Variants in CCSER1 observed in about 807,000 individuals in gnomAD.
The protein encoded by CCSER1 is coiled-coil serine rich protein 1.
CCSER1 carries 41 observed loss-of-function variants against 82.0 expected under a neutral mutation model. The ratio of observed to expected loss-of-function variants is 0.50; its 90% CI spans 0.39 to 0.65. CCSER1 has a LOEUF of 0.65. Among genes scored for constraint, CCSER1 ranks in the 30% least tolerant of loss-of-function variants. CCSER1 has a pLI of 0.00. For missense variants in CCSER1, 1,119 were observed against 1,064.2 expected (o/e 1.05, Z -0.72); for synonymous variants, 414 against 383.9 (o/e 1.08, Z -0.92).
In CCSER1 at chr4:91,028,677, C is replaced by A. The variant is rs11940638; in HGVS notation, c.2173-57273C>A. ...AAGTAATCTACTTGTTTCTTTAGAG[C>A]TTGTTAACAGTTCCTTGATTATTCA... On this transcript the variant is annotated intron_variant, in intron 9 of 10. Transcript: ENST00000509176. Among the ~76,000 whole-genome samples, 1,076 of 151,254 alleles carry A rather than the reference C, an allele frequency of 7.1e-3. 11 individuals are homozygous for A. Among genetic ancestry groups the A allele is most frequent in the African/African-American group, 0.025 (1,017 of 41,316 alleles).
chr4:90,844,860 G>C (rs951711666), intron 8 of CCSER1, among the ~76,000 whole-genome samples: 3 of 152,134 alleles, frequency 2.0e-5, no homozygotes, highest in African/African-American at 7.2e-5. Flanking sequence ...TTAGCAAAGA[G>C]CCAGACAGTA....
intron 5 of CCSER1, among the ~76,000 whole-genome samples, chr4:90,504,087 G>A (rs1770337596): frequency 6.6e-6 from 1 of 151,142 alleles, no homozygotes; most frequent in Non-Finnish European, 1.5e-5. Flanking sequence ...ACTTATTTCT[G>A]ATTTCTTCTT....
intron 3 of CCSER1, among the ~76,000 whole-genome samples, chr4:90,331,975 C>T (rs901470428): frequency 6.6e-6 from 1 of 151,996 alleles, no homozygotes; most frequent in Non-Finnish European, 1.5e-5. Flanking sequence ...TTTTTCCCCT[C>T]TGTCCCCTTT....
chr4:91,306,881 G>C (rs1745105507), intron 10 of CCSER1, among the ~76,000 whole-genome samples: 1 of 151,636 alleles, frequency 6.6e-6, no homozygotes, highest in Non-Finnish European at 1.5e-5. Flanking sequence ...TTTTTTTTCT[G>C]CTGCACTCTG....
At chr4:90,600,507 T>C (rs947405401) in intron 5 of CCSER1, among the ~76,000 whole-genome samples, 2 of 152,120 alleles carry the variant, frequency 1.3e-5, no homozygotes, top group South Asian at 2.1e-4. Flanking sequence ...TTTTCCTATT[T>C]GAAAAATATG....
chr4:90,208,636 G>T (rs1739383357), intron 1 of CCSER1, among the ~76,000 whole-genome samples: 1 of 152,090 alleles, frequency 6.6e-6, no homozygotes, highest in Admixed American at 6.5e-5. Context: ...TGGTGATGTA[G>T]GCACCTGAAA....
intron 8 of CCSER1, among the ~76,000 whole-genome samples, chr4:90,855,055 G>A (rs1294367220): frequency 6.6e-6 from 1 of 152,020 alleles, no homozygotes; most frequent in African/African-American, 2.4e-5. Flanking sequence ...CAGATCTCGT[G>A]AGAACTCACT....
At chr4:91,218,118 G>T (rs7696348) in intron 10 of CCSER1, among the ~76,000 whole-genome samples, 1 of 152,206 alleles carries the variant, frequency 6.6e-6, no homozygotes, top group Non-Finnish European at 1.5e-5. Flanking sequence ...CTGCCCCGTG[G>T]GAAGGCAGCT....
chr4:91,292,778 AAGTC>A (rs991040920), intron 10 of CCSER1, among the ~76,000 whole-genome samples: 40 of 152,108 alleles, frequency 2.6e-4, no homozygotes, highest in African/African-American at 9.4e-4. Flanking sequence ...AATTTTAAAA[AAGTC>A]AGGAGGTGAA....
In CCSER1 at chr4:91,484,740, C is replaced by T. The variant is rs147605791; in HGVS notation, c.2218-113832C>T. ...CCCAAAACAGTAGCATTAGCATCAC[C>T]TACAAATCTATTAAAAATAAAAATT... On this transcript the variant is annotated intron_variant, in intron 10 of 10. Transcript: ENST00000509176. 2.2e-3 allele frequency among the ~76,000 whole-genome samples: 338 copies of T among 152,172 alleles called. 1 individual carries two copies. Among genetic ancestry groups the T allele is most frequent in the African/African-American group, 7.8e-3 (322 of 41,528 alleles).
At chr4:90,282,445 T>C (rs1729040680) in intron 1 of CCSER1, among the ~76,000 whole-genome samples, 1 of 150,736 alleles carries the variant, frequency 6.6e-6, no homozygotes, top group Non-Finnish European at 1.5e-5. Flanking sequence ...TATATATTTA[T>C]ATATGTATAC....
rs1396709272 is a variant in CCSER1 at position 90,243,037 on chromosome 4, ATCTCTCTCTCTTTTC to A, written c.-41-65192_-41-65178del. ...TAAAGACTGAATATTCAGCTAGTTG[ATCTCTCTCTCTTTTC>A]TCTCTCTCTCTTTTTTTTTTTTTTT... On this transcript the variant is annotated intron_variant, in intron 1 of 10. Transcript: ENST00000509176. Among the ~76,000 whole-genome samples, 63 of 146,122 alleles carry A rather than the reference ATCTCTCTCTCTTTTC, an allele frequency of 4.3e-4. 2 individuals carry two copies. The East Asian group carries it at 0.012, about 28-fold the overall frequency.
intron 7 of CCSER1, among the ~76,000 whole-genome samples, chr4:90,770,787 A>T (rs1751977712): frequency 6.6e-6 from 1 of 152,020 alleles, no homozygotes; most frequent in African/African-American, 2.4e-5. Context: ...GTACACACAA[A>T]AGCACAACCA....
chr4:91,437,213 A>G (rs1319697245), intron 10 of CCSER1, among the ~76,000 whole-genome samples: 1 of 152,234 alleles, frequency 6.6e-6, no homozygotes, highest in Non-Finnish European at 1.5e-5. Context: ...TGCATATCTA[A>G]AGATATCAGA....
intron 5 of CCSER1, among the ~76,000 whole-genome samples, chr4:90,561,148 C>T (rs1333366951): frequency 1.3e-5 from 2 of 152,168 alleles, no homozygotes; most frequent in African/African-American, 4.8e-5. Flanking sequence ...TATGCCTCAC[C>T]TTCATAGATC....
intron 3 of CCSER1, among the ~76,000 whole-genome samples, chr4:90,360,232 T>TA (rs1312825202): frequency 1.4e-5 from 2 of 142,990 alleles, no homozygotes; most frequent in South Asian, 2.4e-4. Context: ...ATTCTTATAA[T>TA]AAAAAAACAT....
intron 1 of CCSER1, among the ~76,000 whole-genome samples, chr4:90,288,036 T>C (rs1158889046): frequency 2.0e-5 from 3 of 151,950 alleles, no homozygotes; most frequent in Non-Finnish European, 4.4e-5. Context: ...CAATTATTAC[T>C]AGTGTTACCC....
chr4:90,377,437 T>C (rs1748516496), intron 3 of CCSER1, among the ~76,000 whole-genome samples: 1 of 152,134 alleles, frequency 6.6e-6, no homozygotes. Flanking sequence ...TATAATTAGG[T>C]AGAAGTACTG....
chr4:91,228,495 AT>A (rs1256871809), intron 10 of CCSER1, among the ~76,000 whole-genome samples: 2 of 151,974 alleles, frequency 1.3e-5, no homozygotes, highest in African/African-American at 4.8e-5. Flanking sequence ...AAACAAAAAA[AT>A]TTTAAAGAAA....
Sources: allele counts gnomAD v4.1 joint callset (sites outside exome capture counted in the v4.1 genomes callset), GRCh38; gene constraint gnomAD v4.1.1; transcripts MANE v1.5; gene names NCBI Gene and HGNC (gene_info 2026-07-23, HGNC 2026-07-21).